The following MXRA8 variants were observed in gnomAD, a reference collection of about 807,000 sequenced individuals.
MXRA8 encodes the protein matrix remodeling associated 8, also known as matrix remodeling-associated protein 8.
A neutral mutation model predicts 51.4 loss-of-function variants in MXRA8; 44 were observed. The ratio of observed to expected loss-of-function variants is 0.86; its 90% confidence interval spans 0.67 to 1.10. The LOEUF (loss-of-function observed/expected upper bound fraction) is 1.10, where lower values mean the gene tolerates loss of function less well. MXRA8 is among the 50% of genes least tolerant of loss of function. MXRA8 has a pLI of 0.00. For missense variants in MXRA8, 765 were observed against 638.9 expected (o/e 1.20, Z -2.13); for synonymous variants, 369 against 293.5 (o/e 1.26, Z -2.63).
Position 1,355,019 on chromosome 1 carries a change from C to T in MXRA8, c.612G>A (p.Val204=). Residue 204 remains valine (V), a synonymous_variant, in exon 5 of 10, where the codon GTG becomes GTA. Coordinates refer to ENST00000309212, the MANE Select transcript of MXRA8 (RefSeq NM_032348.4). ...TDRHVEEAQQ[V]VHWDRQPPGV... ...CGGGCGGCTGCCGGTCCCAGTGCAC[C>T]ACCTGTTGAGCCTCCTCCACGTGCC... 4 of 1,607,322 alleles carry T rather than the reference C, an allele frequency of 2.5e-6. No homozygotes were observed. The South Asian group carries it at 4.4e-5, about 18-fold the overall frequency.
intron 1 of MXRA8, among the ~76,000 whole-genome samples, chr1:1,357,572 C>T (rs1569805044): frequency 6.6e-6 from 1 of 152,300 alleles, no homozygotes; most frequent in Admixed American, 6.5e-5. Flanking sequence ...TTTGGGAGGC[C>T]AAGGCAGGTG....
chr1:1,357,701 T>C (rs1222750048), intron 1 of MXRA8, among the ~76,000 whole-genome samples: 1 of 152,144 alleles, frequency 6.6e-6, no homozygotes, highest in African/African-American at 2.4e-5. Context: ...TCCCAGCTAC[T>C]TGGGAGGCCG....
In MXRA8 at chr1:1,353,398, C is replaced by A. The variant is rs1471143607; in HGVS notation, c.*206G>T. 1.3e-6 allele frequency: 2 copies of A among 1,536,520 alleles called. No individual in the cohort carries two copies. Among genetic ancestry groups the A allele is most frequent in the Non-Finnish European group, 1.8e-6 (2 of 1,139,272 alleles). Reference sequence around the variant, plus strand: ...AGGGGTGGGCAGGGCCACCCGTGAGCAAAGGCCGCAGGGGTGGGGGCTATG... The same window carrying A: ...AGGGGTGGGCAGGGCCACCCGTGAGAAAAGGCCGCAGGGGTGGGGGCTATG... On this transcript the variant is annotated 3_prime_UTR_variant, in exon 10 of 10. Coordinates refer to ENST00000309212, the MANE Select transcript of MXRA8 (RefSeq NM_032348.4).
upstream of MXRA8, among the ~76,000 whole-genome samples, chr1:1,362,162 T>C (rs141496353): frequency 2.0e-3 from 298 of 152,306 alleles, no homozygotes; most frequent in African/African-American, 6.6e-3. Flanking sequence ...GAGGCAGGGC[T>C]GTCTGTGGAT....
chr1:1,362,606 C>A (rs1454193231), upstream of MXRA8, among the ~76,000 whole-genome samples: 1 of 151,722 alleles, frequency 6.6e-6, no homozygotes, highest in African/African-American at 2.4e-5. Context: ...ATGGTGAAAC[C>A]CTGTCTCTAC....
At position 1,355,636 on chromosome 1, in the gene MXRA8, C is replaced by T. The variant is rs1351337596; in HGVS notation, c.190G>A (p.Asp64Asn). ...CQSPRMVWTQ[D>N]RLHDRQRVLH... ...ACGCGCTGGCGGTCGTGCAGCCGGT[C>T]CTGGGTCCACACCATGCGCGGGCTC... is the stretch of plus-strand genomic sequence containing the variant. Residue 64 changes from aspartate to asparagine, a missense_variant, in exon 3 of 10, where the codon GAC becomes AAC. By Grantham distance (23) the Asp-to-Asn change is conservative (BLOSUM62 1). Coordinates refer to ENST00000309212, the MANE Select transcript of MXRA8 (RefSeq NM_032348.4). 1 of 1,463,232 alleles carries T rather than the reference C, an allele frequency of 6.8e-7. No individual in the cohort carries two copies. Among genetic ancestry groups the T allele is most frequent in the Non-Finnish European group, 9.0e-7 (1 of 1,114,094 alleles). The allele number at this position is 1,463,232 out of a possible 1,614,324, so 90.6% of individuals were successfully genotyped here.
chr1:1,359,366 C>G (rs958679246), upstream of MXRA8: 1 of 985,326 alleles, frequency 1.0e-6, no homozygotes, highest in Non-Finnish European at 1.2e-6. Flanking sequence ...TGTGGGAAAA[C>G]TTACAAAGTC....
rs1031923381 is a variant in MXRA8, at chr1:1,352,749, T to A, written c.*855A>T. On this transcript the variant is annotated 3_prime_UTR_variant, in exon 10 of 10. Coordinates refer to ENST00000309212, the MANE Select transcript of MXRA8 (RefSeq NM_032348.4). ...GCAGGTCCACCAGCAGATGCAAATG[T>A]GGGGTGCTGAGAGTGGCAACACAGG... 1 of 164,652 alleles carries A rather than the reference T, an allele frequency of 6.1e-6. No individual in the cohort carries two copies. Among genetic ancestry groups the A allele is most frequent in the African/African-American group, 2.4e-5 (1 of 41,508 alleles). 10.2% of individuals were successfully genotyped at this position (164,652 alleles called of 1,614,324 possible).
chr1:1,358,366 G>A (rs1267511700), intron 1 of MXRA8, 90 bp downstream of exon 1: 3 of 1,417,120 alleles, frequency 2.1e-6, no homozygotes, highest in Admixed American at 2.2e-5. Flanking sequence ...ACTCCTCCTG[G>A]CCCAAGCTCA....
chr1:1,361,953 GGTTA>G (rs1337771364), upstream of MXRA8, among the ~76,000 whole-genome samples: 1 of 152,206 alleles, frequency 6.6e-6, no homozygotes, highest in Non-Finnish European at 1.5e-5. Flanking sequence ...TTGAAGTTTT[GGTTA>G]GTTATGTATG....
chr1:1,360,202 CCA>C (rs1557687650), upstream of MXRA8, among the ~76,000 whole-genome samples: 2 of 152,236 alleles, frequency 1.3e-5, no homozygotes, highest in African/African-American at 4.8e-5. Flanking sequence ...TGGCCTCCAG[CCA>C]CACTTTCGGG....
At chr1:1,361,664 C>T (rs1476767733), upstream of MXRA8, 10 of 290,480 alleles carry the variant, frequency 3.4e-5, no homozygotes, top group East Asian at 7.9e-5. Context: ...TATTCGCCGC[C>T]GCCGCACCTG....
chr1:1,355,850 G>A (rs1180631611), intron 2 of MXRA8, 98 bp from the exon 3 acceptor site: 6 of 721,104 alleles, frequency 8.3e-6, no homozygotes, highest in Non-Finnish European at 1.1e-5. Flanking sequence ...GTGGGGGAGG[G>A]ATGTCTGTAA....
chr1:1,361,530 C>T (rs1482489470), upstream of MXRA8: 1 of 538,384 alleles, frequency 1.9e-6, no homozygotes, highest in Non-Finnish European at 3.4e-6. Flanking sequence ...GAGGACGCGG[C>T]TTCCAGGCGC....
chr1:1,361,895 G>A (rs1393938187), upstream of MXRA8: 1 of 155,188 alleles, frequency 6.4e-6, no homozygotes, highest in East Asian at 1.9e-4. Flanking sequence ...ACTCTCCTGG[G>A]AAAGTCACTT....
chr1:1,361,630 A>T (rs1007920923), upstream of MXRA8: 1 of 381,634 alleles, frequency 2.6e-6, no homozygotes, highest in Non-Finnish European at 5.0e-6. Context: ...CAACACAGAC[A>T]GGGTTAGGCT....
Position 1,355,116 on chromosome 1 carries a change from T to A in MXRA8, c.515A>T (p.Glu172Val), listed in dbSNP as rs1569788045. The A allele has an allele frequency of 1.3e-6, 2 of 1,509,544 alleles. No individual in the cohort carries two copies. The highest frequency in any genetic ancestry group is 1.3e-5 in the South Asian group (1 of 76,504). The allele number at this position is 1,509,544 out of a possible 1,614,324, so 93.5% of individuals were successfully genotyped here. The change falls in exon 5 of 10, where the codon GAG becomes GTG. Residue 172 changes from glutamate (E) to valine (V), a missense_variant. Glu to Val is a moderately radical substitution (Grantham distance 121). Coordinates refer to ENST00000309212, the MANE Select transcript of MXRA8 (RefSeq NM_032348.4). ...ATPAYWDGEK[E>V]VLAVARGAPA... The stretch of plus-strand genomic sequence containing the variant: ...TGCGCCGCGCGCCACCGCCAGCACC[T>A]CCTTCTCGCCGTCCCAGTAGGCGGG...
Position 1,358,484 on chromosome 1 carries a change from G to C in MXRA8, c.21C>G (p.Ile7Met), listed in dbSNP as rs755414359. MALPSR[I>M]LLWKLVLLQS... is the part of the protein sequence containing the mutation. ...GCAGAAGCACAAGTTTCCAAAGCAGGATTCGGGATGGCAGCGCCATGGCCC... is the reference window on the plus strand; with the variant it reads ...GCAGAAGCACAAGTTTCCAAAGCAGCATTCGGGATGGCAGCGCCATGGCCC... The change falls in exon 1 of 10, where the codon ATC (isoleucine) becomes ATG (methionine). Residue 7 changes from isoleucine (I) to methionine (M), a missense_variant. By Grantham distance (10) the Ile-to-Met change is conservative. Coordinates refer to ENST00000309212, the MANE Select transcript of MXRA8 (RefSeq NM_032348.4). 1 of 1,613,372 alleles carries C rather than the reference G, an allele frequency of 6.2e-7. No homozygotes were observed. Among genetic ancestry groups the C allele is most frequent in the East Asian group, 2.2e-5 (1 of 44,800 alleles).
Position 1,353,007 on chromosome 1 carries a change from A to G in MXRA8, c.*597T>C. Reference sequence around the variant, plus strand: ...TGGCCCAAAGCAACACAGAGGAGCAAGGGCTGGCATTCAAGTCAGCAGGTC... The same window carrying G: ...TGGCCCAAAGCAACACAGAGGAGCAGGGGCTGGCATTCAAGTCAGCAGGTC... On this transcript the variant is annotated 3_prime_UTR_variant, in exon 10 of 10. Transcript: ENST00000309212. 1.9e-6 allele frequency: 1 copy of G among 536,144 alleles called. No homozygotes were observed. The highest frequency in any genetic ancestry group is 3.3e-5 in the East Asian group (1 of 29,940). The allele number at this position is 536,144 out of a possible 1,614,324, so 33.2% of individuals were successfully genotyped here.
Sources: allele counts gnomAD v4.1 joint callset (sites outside exome capture counted in the v4.1 genomes callset), GRCh38; gene constraint gnomAD v4.1.1; transcripts MANE v1.5; gene names NCBI Gene and HGNC (gene_info 2026-07-23, HGNC 2026-07-21).